The following PRKCE variants were observed in gnomAD, a reference collection of about 807,000 sequenced individuals.
PRKCE encodes the protein protein kinase C epsilon type.
Under a neutral mutation model 85.4 loss-of-function variants are expected in PRKCE, and 16 were observed. That is an observed-to-expected ratio of 0.19 (90% CI 0.13 to 0.28). PRKCE has a LOEUF of 0.28. PRKCE is among the 10% of genes least tolerant of loss of function. PRKCE has a pLI of 1.00. For synonymous variants in PRKCE, 388 were observed against 371.5 expected, an observed-to-expected ratio of 1.04 and a Z score of -0.51; for missense variants, 573 against 975.2, an observed-to-expected ratio of 0.59 and a Z score of 5.49.
intron 2 of PRKCE, among the ~76,000 whole-genome samples, chr2:45,903,892 T>TTTTG (rs1553445473): frequency 4.1e-5 from 5 of 121,714 alleles, no homozygotes; most frequent in African/African-American, 1.7e-4. Context: ...TTTTTTTTTG[T>TTTTG]TTGTTTGTTT....
At chr2:46,103,932 G>A (rs1249550441) in intron 11 of PRKCE, among the ~76,000 whole-genome samples, 1 of 151,246 alleles carries the variant, frequency 6.6e-6, no homozygotes, top group African/African-American at 2.5e-5. Context: ...GGCATACTTG[G>A]TGTAACTTCA....
At chr2:46,124,548 C>T (rs570056602) in intron 11 of PRKCE, among the ~76,000 whole-genome samples, 1 of 152,298 alleles carries the variant, frequency 6.6e-6, no homozygotes, top group South Asian at 2.1e-4. Context: ...CTTGATACTG[C>T]CCTATCACTT....
intron 2 of PRKCE, among the ~76,000 whole-genome samples, chr2:45,958,970 A>T (rs1213620863): frequency 1.3e-5 from 2 of 150,746 alleles, no homozygotes; most frequent in African/African-American, 4.9e-5. Flanking sequence ...CATCAGAAAG[A>T]GCCACGTCAG....
At chr2:45,767,455 C>A (rs1685000338) in intron 1 of PRKCE, among the ~76,000 whole-genome samples, 2 of 152,190 alleles carry the variant, frequency 1.3e-5, no homozygotes, top group South Asian at 4.1e-4. Flanking sequence ...GCCTCTTCCT[C>A]TTGTAAGGGA....
At chr2:45,681,742 C>G (rs181111519) in intron 1 of PRKCE, among the ~76,000 whole-genome samples, 135 of 152,276 alleles carry the variant, frequency 8.9e-4, no homozygotes, top group Middle Eastern at 3.4e-3. Flanking sequence ...ATAGACAATG[C>G]CTGTGGGAAT....
chr2:45,963,734 A>C (rs1701540777), intron 2 of PRKCE, among the ~76,000 whole-genome samples: 1 of 152,228 alleles, frequency 6.6e-6, no homozygotes, highest in African/African-American at 2.4e-5. Context: ...TCTAATCAGA[A>C]TACCCACCTG....
At chr2:46,085,354 A>G (rs942758969) in intron 10 of PRKCE, among the ~76,000 whole-genome samples, 8 of 152,164 alleles carry the variant, frequency 5.3e-5, no homozygotes, top group Non-Finnish European at 1.2e-4. Context: ...CCACATTGCA[A>G]TCTATTGGTC....
intron 10 of PRKCE, among the ~76,000 whole-genome samples, chr2:46,076,903 C>A (rs549910342): frequency 3.5e-4 from 53 of 152,132 alleles, no homozygotes; most frequent in Non-Finnish European, 5.0e-4. Context: ...AGGATAAATA[C>A]TACGTGATAC....
chr2:45,986,273 G>A (rs1703315478), intron 6 of PRKCE, among the ~76,000 whole-genome samples: 1 of 152,236 alleles, frequency 6.6e-6, no homozygotes, highest in African/African-American at 2.4e-5. Context: ...TGGGACAGTG[G>A]GATGGAGCCC....
At position 45,984,531 on chromosome 2, in the gene PRKCE, G is replaced by T. The variant is rs533019507; in HGVS notation, c.694-20G>T. On this transcript the variant is annotated intron_variant, in intron 5 of 14. Transcript: ENST00000306156. ...AACTGAGGAGCTCGGTGGTGAACCT[G>T]TATCTTGCCATCCCTGCAGGTGGGC... The T allele has an allele frequency of 1.9e-6, 3 of 1,598,892 alleles. No individual in the cohort carries two copies. The highest frequency in any genetic ancestry group is 2.5e-6 in the Non-Finnish European group (3 of 1,179,392).
At chr2:45,952,702 G>A (rs1558878377) in intron 2 of PRKCE, among the ~76,000 whole-genome samples, 1 of 152,196 alleles carries the variant, frequency 6.6e-6, no homozygotes, top group Non-Finnish European at 1.5e-5. Flanking sequence ...TGTACTTAAT[G>A]TACTGTACAT....
chr2:45,701,143 A>G (rs372685401), intron 1 of PRKCE, among the ~76,000 whole-genome samples: 1 of 152,230 alleles, frequency 6.6e-6, no homozygotes, highest in African/African-American at 2.4e-5. Context: ...TTGAAGATGA[A>G]GTAGAATATA....
chr2:45,668,710 C>T (rs1314921375), intron 1 of PRKCE, among the ~76,000 whole-genome samples: 4 of 152,162 alleles, frequency 2.6e-5, no homozygotes. Flanking sequence ...TGAAACCTCT[C>T]TGAGCTCCAG....
At chr2:45,995,904 A>G (rs757886450) in intron 6 of PRKCE, among the ~76,000 whole-genome samples, 30 of 152,174 alleles carry the variant, frequency 2.0e-4, no homozygotes, top group Non-Finnish European at 2.9e-4. Context: ...TCCATAAATA[A>G]CTTGCTGGGA....
chr2:46,097,975 G>C (rs1046508902), intron 11 of PRKCE, among the ~76,000 whole-genome samples: 1 of 152,208 alleles, frequency 6.6e-6, no homozygotes, highest in Non-Finnish European at 1.5e-5. Context: ...AGGAAGCCGC[G>C]TTATTGCTGA....
chr2:45,736,897 G>T (rs920663706), intron 1 of PRKCE, among the ~76,000 whole-genome samples: 6 of 152,200 alleles, frequency 3.9e-5, no homozygotes, highest in Non-Finnish European at 8.8e-5. Context: ...AAGGTGATCA[G>T]GGGAGACTTC....
chr2:45,659,019 A>G (rs1675512783), intron 1 of PRKCE, among the ~76,000 whole-genome samples: 1 of 152,192 alleles, frequency 6.6e-6, no homozygotes, highest in Non-Finnish European at 1.5e-5. Flanking sequence ...TACTGTGCCA[A>G]TGTCATCTAG....
At chr2:45,854,161 A>G (rs144014437) in intron 2 of PRKCE, among the ~76,000 whole-genome samples, 1 of 152,386 alleles carries the variant, frequency 6.6e-6, no homozygotes, top group East Asian at 1.9e-4. Context: ...GTACTGGTCC[A>G]GAACTGAGAC....
chr2:46,108,366 A>G (rs1671942364), intron 11 of PRKCE, among the ~76,000 whole-genome samples: 1 of 152,244 alleles, frequency 6.6e-6, no homozygotes, highest in Non-Finnish European at 1.5e-5. Flanking sequence ...TAACACAGAT[A>G]GAATTGGAGG....
Sources: gnomAD v4.1 joint callset for allele counts (sites outside exome capture counted in the v4.1 genomes callset) on GRCh38, gnomAD v4.1.1 for gene constraint, MANE v1.5 for transcripts, NCBI Gene and HGNC (gene_info 2026-07-23, HGNC 2026-07-21) for gene names.